REXO1: variants seen among roughly 807,000 people sequenced by gnomAD.
REXO1 encodes the protein RNA exonuclease 1 homolog.
Under a neutral mutation model 102.6 loss-of-function variants are expected in REXO1, and 42 were observed. The ratio of observed to expected loss-of-function variants is 0.41; its 90% CI spans 0.32 to 0.53. REXO1 has a LOEUF of 0.53. Among genes scored for constraint, REXO1 ranks in the 20% least tolerant of loss-of-function variants. The pLI, the probability that REXO1 is intolerant of heterozygous loss-of-function variation, is 0.27. For missense variants in REXO1, 1,819 were observed against 1,732.5 expected, an observed-to-expected ratio of 1.05 and a Z score of -0.89; for synonymous variants, 908 against 779.1, an observed-to-expected ratio of 1.17 and a Z score of -2.76.
At chr19:1,837,232 A>G (rs2070065523) in intron 1 of REXO1, among the ~76,000 whole-genome samples, 1 of 152,212 alleles carries the variant, frequency 6.6e-6, no homozygotes, top group Non-Finnish European at 1.5e-5. Flanking sequence ...TGCGGACGGC[A>G]GAGTAACCAT....
At chr19:1,829,749 G>A (rs967214924) in intron 1 of REXO1, among the ~76,000 whole-genome samples, 8 of 151,980 alleles carry the variant, frequency 5.3e-5, no homozygotes, top group Non-Finnish European at 8.8e-5. Flanking sequence ...CAGAGGTTTC[G>A]GTGAGCCGAG....
At chr19:1,819,486 C>A (rs189269435) in intron 7 of REXO1, among the ~76,000 whole-genome samples, 1 of 152,180 alleles carries the variant, frequency 6.6e-6, no homozygotes, top group Non-Finnish European at 1.5e-5. Context: ...CAGCCTGCGA[C>A]GCCAACCCAG....
chr19:1,816,485 G>C lies in REXO1; in HGVS notation c.3402C>G (p.Ser1134Arg). Reference protein sequence around the residue: ...DVQAVLLSMFSADTILIGHSL... With the variant: ...DVQAVLLSMFRADTILIGHSL... ...TGTGTCCGATGAGGATGGTGTCAGC[G>C]CTGAACATGCTCAGCAGAACGGCCT... is the stretch of plus-strand genomic sequence containing the variant. Residue 1134 changes from serine (S) to arginine (R), a missense_variant, in exon 14 of 16, where the codon AGC becomes AGG. By Grantham distance (110) the Ser-to-Arg change is moderately radical. Coordinates refer to ENST00000170168, the MANE Select transcript of REXO1 (RefSeq NM_020695.4). The C allele has an allele frequency of 1.2e-6, 2 of 1,612,564 alleles. No individual in the cohort carries two copies. The highest frequency in any genetic ancestry group is 1.3e-5 in the African/African-American group (1 of 75,030).
chr19:1,827,247 C>T lies in REXO1; in HGVS notation c.1542G>A (p.Arg514=). 1 of 1,554,558 alleles carries T rather than the reference C, an allele frequency of 6.4e-7. No homozygotes were observed. The highest frequency in any genetic ancestry group is 8.6e-7 in the Non-Finnish European group (1 of 1,156,084). ...ASQDAPKLKK[R]ALSHADLFGD... The stretch of plus-strand genomic sequence containing the variant: ...CAAAGAGGTCGGCGTGGCTCAGGGC[C>T]CGCTTCTTCAGCTTGGGGGCGTCCT... The change falls in exon 2 of 16, where the codon CGG becomes CGA. Residue 514 remains arginine (R), a synonymous_variant. Transcript: ENST00000170168.
In REXO1 at chr19:1,841,240, G is replaced by A. The variant is rs528672508; in HGVS notation, c.157+6962C>T. On this transcript the variant is annotated intron_variant, in intron 1 of 15. Coordinates refer to ENST00000170168, the MANE Select transcript of REXO1 (RefSeq NM_020695.4). ...TTTTCTTTTCAGGTTTTTGCTTTTT[G>A]TTCTGCAGCAGATCATACCAACAGA... Among the ~76,000 whole-genome samples, 4 of 152,258 alleles carry A rather than the reference G, an allele frequency of 2.6e-5. No individual in the cohort carries two copies. The South Asian group carries it at 8.3e-4, about 32-fold the overall frequency.
chr19:1,843,400 G>C (rs147681240), intron 1 of REXO1, among the ~76,000 whole-genome samples: 84 of 152,258 alleles, frequency 5.5e-4, no homozygotes, highest in African/African-American at 1.9e-3. Context: ...AAAAAGAAAC[G>C]GCCTCAGCAC....
In REXO1 at chr19:1,815,892, C is replaced by T. The variant is rs1036929242; in HGVS notation, c.*174G>A. The T allele has an allele frequency of 2.1e-5, 26 of 1,238,244 alleles. No homozygotes were observed. Among genetic ancestry groups the T allele is most frequent in the Middle Eastern group, 2.0e-4 (1 of 5,070 alleles). 76.7% of individuals were successfully genotyped at this position (1,238,244 alleles called of 1,614,324 possible). On this transcript the variant is annotated 3_prime_UTR_variant, in exon 16 of 16. Coordinates refer to ENST00000170168, the MANE Select transcript of REXO1 (RefSeq NM_020695.4). This position sits in a 1 kb window ranked among gnomAD's most constrained non-coding sequence, Gnocchi z 4.0. Reference sequence around the variant, plus strand: ...GGACCGGCGGAGGGGTGCGGCAGGACGTGAGCGGGGGTGGGCTGGGCTGGG... The same window carrying T: ...GGACCGGCGGAGGGGTGCGGCAGGATGTGAGCGGGGGTGGGCTGGGCTGGG...
chr19:1,826,947 C>T lies in REXO1; in HGVS notation c.1842G>A (p.Glu614=). The stretch of plus-strand genomic sequence containing the variant: ...ACTCGTTGAAGATCCGCAGGCACTC[C>T]TCCATGGGGTCGGAGTCAAAGTCCA... The part of the protein sequence containing the change: ...KEVDFDSDPM[E]ECLRIFNEST... The change falls in exon 2 of 16, where the codon GAG becomes GAA. Residue 614 remains glutamate (E), a synonymous_variant. Coordinates refer to ENST00000170168, the MANE Select transcript of REXO1 (RefSeq NM_020695.4). The surrounding 1 kb of genome is among the most constrained non-coding windows in gnomAD (Gnocchi z 4.3). 6.3e-7 allele frequency: 1 copy of T among 1,581,316 alleles called. No homozygotes were observed. The highest frequency in any genetic ancestry group is 8.6e-7 in the Non-Finnish European group (1 of 1,164,664).
intron 1 of REXO1, chr19:1,834,923 C>A: frequency 2.4e-6 from 1 of 408,356 alleles, no homozygotes; most frequent in Admixed American, 2.5e-5. Flanking sequence ...CCTGTGGTCA[C>A]TGGGCTCCCC....
intron 5 of REXO1, among the ~76,000 whole-genome samples, chr19:1,821,078 T>G (rs570069832): frequency 1.3e-5 from 2 of 150,912 alleles, no homozygotes; most frequent in Non-Finnish European, 2.9e-5. Context: ...TCGGGCATGG[T>G]GGCTCACGCC....
intron 5 of REXO1, among the ~76,000 whole-genome samples, chr19:1,820,827 T>C (rs2069512402): frequency 6.6e-6 from 1 of 150,970 alleles, no homozygotes; most frequent in Admixed American, 6.6e-5. Flanking sequence ...ACCCTGTCTC[T>C]ACAAAATAAA....
In REXO1 at chr19:1,827,530, G is replaced by T; in HGVS notation, c.1259C>A (p.Ala420Asp). ...KPRADKKGPQ[A>D]SSPRRKAERP... ...CTCTGCCTTGCGCCGGGGGCTGCTG[G>T]CCTGCGGGCCCTTCTTGTCCGCACG... The change falls in exon 2 of 16, where the codon GCC (alanine) becomes GAC (aspartate). Residue 420 changes from alanine to aspartate, a missense_variant. Physicochemically the swap from Ala to Asp is moderately radical, Grantham distance 126. Transcript: ENST00000170168. The T allele has an allele frequency of 6.3e-7, 1 of 1,584,980 alleles. No homozygotes were observed. Among genetic ancestry groups the T allele is most frequent in the Non-Finnish European group, 8.5e-7 (1 of 1,174,148 alleles).
chr19:1,837,765 G>A (rs1421125547), intron 1 of REXO1, among the ~76,000 whole-genome samples: 5 of 152,316 alleles, frequency 3.3e-5, no homozygotes, highest in East Asian at 1.9e-4. Context: ...CCTCGACAGC[G>A]CAGTGTGCAG....
intron 1 of REXO1, among the ~76,000 whole-genome samples, chr19:1,846,683 G>A (rs759676655): frequency 6.6e-6 from 1 of 152,184 alleles, no homozygotes; most frequent in Non-Finnish European, 1.5e-5. Context: ...GAGGCCAGGA[G>A]TTTTGAGACA....
chr19:1,824,723 C>T (rs917922304), intron 3 of REXO1, among the ~76,000 whole-genome samples: 8 of 152,142 alleles, frequency 5.3e-5, no homozygotes, highest in African/African-American at 1.2e-4. Flanking sequence ...TTACAAAAAG[C>T]GTCACAGATT....
In REXO1 at chr19:1,820,408, C is replaced by A; in HGVS notation, c.2395-13G>T. The A allele has an allele frequency of 6.2e-7, 1 of 1,611,920 alleles. No individual in the cohort carries two copies. Among genetic ancestry groups the A allele is most frequent in the Admixed American group, 1.7e-5 (1 of 59,724 alleles). ...GTTTCTTTAAACTCTAGAGGGAAGG[C>A]AAAAGCTGCCATGGGTGAGGGCCTC... On this transcript the variant is annotated splice_polypyrimidine_tract_variant and intron_variant, in intron 5 of 15. Transcript: ENST00000170168.
In REXO1 at chr19:1,821,425, C is replaced by T. The variant is rs954728336; in HGVS notation, c.2394+94G>A. On this transcript the variant is annotated intron_variant, in intron 5 of 15. Transcript: ENST00000170168. ...GTGTGGAGCACGAAGGCCCGCAGGG[C>T]AGGGGCGAGGCTGGCCCTCCGCAGG... The T allele has an allele frequency of 1.1e-5, 16 of 1,466,558 alleles. No individual in the cohort carries two copies. The Admixed American group carries it at 2.8e-4, about 26-fold the overall frequency. The allele number at this position is 1,466,558 out of a possible 1,614,324, so 90.8% of individuals were successfully genotyped here.
Position 1,821,526 on chromosome 19 carries a change from G to A in REXO1, c.2387C>T (p.Ser796Phe). 1 of 1,613,738 alleles carries A rather than the reference G, an allele frequency of 6.2e-7. No homozygotes were observed. Among genetic ancestry groups the A allele is most frequent in the South Asian group, 1.1e-5 (1 of 91,052 alleles). Residue 796 changes from serine to phenylalanine, a missense_variant, in exon 5 of 16, where the codon TCC (serine) becomes TTC (phenylalanine). Physicochemically the swap from Ser to Phe is radical, Grantham distance 155. Coordinates refer to ENST00000170168, the MANE Select transcript of REXO1 (RefSeq NM_020695.4). The part of the protein sequence containing the change: ...IIPKRIAHSP[S>F]LQSLKKPIIP... ...CGAGATGGGAGGGGCTACCTGTAAGGATGGACTGTGGGCGATTCGCTTAGG... is the reference window on the plus strand; with the variant it reads ...CGAGATGGGAGGGGCTACCTGTAAGAATGGACTGTGGGCGATTCGCTTAGG...
Position 1,827,853 on chromosome 19 carries a change from G to A in REXO1, c.936C>T (p.Asp312=), listed in dbSNP as rs746609805. ...TTASTPKARA[D]PEIKATGQPP... ...GCTGCCCGGTGGCCTTGATCTCAGG[G>A]TCGGCCCTGGCTTTGGGGGTGCTGG... Residue 312 remains aspartate, a synonymous_variant, in exon 2 of 16, where the codon GAC becomes GAT. Coordinates refer to ENST00000170168, the MANE Select transcript of REXO1 (RefSeq NM_020695.4). The A allele has an allele frequency of 8.1e-6, 13 of 1,613,002 alleles. No individual in the cohort carries two copies. The highest frequency in any genetic ancestry group is 1.0e-5 in the Non-Finnish European group (12 of 1,179,814).
Sources: allele counts gnomAD v4.1 joint callset (sites outside exome capture counted in the v4.1 genomes callset), GRCh38; gene constraint gnomAD v4.1.1; non-coding constraint Gnocchi (gnomAD v3.1); transcripts MANE v1.5; gene names NCBI Gene and HGNC (gene_info 2026-07-23, HGNC 2026-07-21).